COG5: variants seen among roughly 807,000 people sequenced by gnomAD.
The protein encoded by COG5 is component of oligomeric golgi complex 5.
A neutral mutation model predicts 110.4 loss-of-function variants in COG5; 86 were observed. The observed-to-expected ratio is 0.78, with a 90% CI of 0.65 to 0.93. COG5 has a LOEUF of 0.93. Ranked by LOEUF, COG5 falls within the 40% of genes least tolerant of loss-of-function variation. COG5 has a pLI of 0.00. For synonymous variants in COG5, 360 were observed against 334.6 expected, an observed-to-expected ratio of 1.08 and a Z score of -0.83; for missense variants, 1,077 against 987.0, an observed-to-expected ratio of 1.09 and a Z score of -1.22.
In COG5 at chr7:107,548,252, T is replaced by C. The variant is rs1191245071; in HGVS notation, c.347+26A>G. 2.5e-6 allele frequency: 4 copies of C among 1,604,572 alleles called. No homozygotes were observed. The East Asian group carries it at 8.9e-5, about 36-fold the overall frequency. On this transcript the variant is annotated intron_variant, in intron 4 of 21. Coordinates refer to ENST00000297135, the MANE Select transcript of COG5 (RefSeq NM_006348.5). ...AATGGATAAAAACATTCCCATTCCATTTATTTATAAAATTAAGAACAGTAC... is the reference window on the plus strand; with the variant it reads ...AATGGATAAAAACATTCCCATTCCACTTATTTATAAAATTAAGAACAGTAC...
intron 7 of COG5, among the ~76,000 whole-genome samples, chr7:107,409,857 G>C (rs915401758): frequency 1.3e-5 from 2 of 152,178 alleles, no homozygotes; most frequent in African/African-American, 2.4e-5. Flanking sequence ...ATGACAATGA[G>C]AGAGAAGAGA....
At chr7:107,315,864 G>C (rs1281886580) in intron 11 of COG5, among the ~76,000 whole-genome samples, 1 of 152,172 alleles carries the variant, frequency 6.6e-6, no homozygotes, top group Non-Finnish European at 1.5e-5. Flanking sequence ...TATGGTATTA[G>C]AAGTAGCAGG....
chr7:107,525,689 A>C (rs1410954387), intron 6 of COG5, among the ~76,000 whole-genome samples: 1 of 152,018 alleles, frequency 6.6e-6, no homozygotes, highest in Non-Finnish European at 1.5e-5. Flanking sequence ...AGTAGTTGAG[A>C]CTGCAGGCAC....
intron 11 of COG5, among the ~76,000 whole-genome samples, chr7:107,322,646 T>C (rs998722025): frequency 1.4e-4 from 21 of 152,152 alleles, no homozygotes; most frequent in African/African-American, 4.6e-4. Flanking sequence ...AAATGGTATA[T>C]CCATTTTGGA....
At chr7:107,356,523 G>C (rs1812636192) in intron 10 of COG5, among the ~76,000 whole-genome samples, 1 of 151,986 alleles carries the variant, frequency 6.6e-6, no homozygotes, top group Non-Finnish European at 1.5e-5. Flanking sequence ...AATACAGTGA[G>C]ACCCTGACTC....
chr7:107,328,499 C>T (rs1809959899), intron 10 of COG5, among the ~76,000 whole-genome samples: 1 of 152,106 alleles, frequency 6.6e-6, no homozygotes, highest in African/African-American at 2.4e-5. Flanking sequence ...AGATGTTACA[C>T]TAAGTGAAAC....
chr7:107,312,725 G>A (rs1004991281), intron 11 of COG5, among the ~76,000 whole-genome samples: 9 of 152,106 alleles, frequency 5.9e-5, no homozygotes, highest in Non-Finnish European at 1.0e-4. Flanking sequence ...AGTCATATTC[G>A]AATTGCATTT....
chr7:107,350,372 T>G (rs1812025802), intron 10 of COG5, among the ~76,000 whole-genome samples: 1 of 152,206 alleles, frequency 6.6e-6, no homozygotes. Context: ...ACTTGATTTT[T>G]ATTTCTAAAC....
chr7:107,549,504 G>C (rs983300791), intron 3 of COG5, among the ~76,000 whole-genome samples: 1 of 151,564 alleles, frequency 6.6e-6, no homozygotes, highest in Non-Finnish European at 1.5e-5. Context: ...CCATTCTCCA[G>C]CCTCAGCCTC....
At chr7:107,496,261 C>A (rs1026120138) in intron 6 of COG5, among the ~76,000 whole-genome samples, 26 of 152,246 alleles carry the variant, frequency 1.7e-4, no homozygotes, top group African/African-American at 6.3e-4. Context: ...AAAAAATCCT[C>A]AACAATATAC....
chr7:107,211,581 C>A (rs1037838293), intron 19 of COG5, among the ~76,000 whole-genome samples: 1 of 152,210 alleles, frequency 6.6e-6, no homozygotes, highest in Non-Finnish European at 1.5e-5. Context: ...TTAACAGATT[C>A]TTATCTTCAT....
At chr7:107,340,822 A>G (rs751484858) in intron 10 of COG5, among the ~76,000 whole-genome samples, 1 of 152,184 alleles carries the variant, frequency 6.6e-6, no homozygotes, top group Non-Finnish European at 1.5e-5. Flanking sequence ...GCTTTCAATG[A>G]AATCTAATAT....
At chr7:107,305,018 A>T (rs1415207502) in intron 11 of COG5, among the ~76,000 whole-genome samples, 3 of 152,348 alleles carry the variant, frequency 2.0e-5, no homozygotes, top group African/African-American at 7.2e-5. Flanking sequence ...TAATGTCAGG[A>T]AGTGCTAAAT....
At chr7:107,404,599 G>C (rs1791671193) in intron 7 of COG5, among the ~76,000 whole-genome samples, 2 of 152,100 alleles carry the variant, frequency 1.3e-5, no homozygotes, top group Non-Finnish European at 2.9e-5. Flanking sequence ...ACGACTAATA[G>C]AAAGCTTGTG....
intron 21 of COG5, among the ~76,000 whole-genome samples, chr7:107,205,306 G>A (rs77948715): frequency 2.6e-5 from 4 of 152,084 alleles, no homozygotes; most frequent in South Asian, 4.2e-4. Flanking sequence ...TCAGTGCCTA[G>A]ACTCAACCCA....
At chr7:107,422,736 C>G (rs919154532) in intron 6 of COG5, among the ~76,000 whole-genome samples, 2 of 144,942 alleles carry the variant, frequency 1.4e-5, no homozygotes, top group African/African-American at 2.6e-5. Context: ...GTTTATGTGT[C>G]TGTGTGTGGA....
chr7:107,362,422 TG>T lies in COG5; in HGVS notation c.836-3del. ...GCATGGTAGATCGTCCAGGTCCCCC[TG>T]GTTATGAGTGAGAAAGAACAATGAA... On this transcript the variant is annotated splice_region_variant and splice_polypyrimidine_tract_variant and intron_variant, in intron 8 of 21. Transcript: ENST00000297135. 6.3e-7 allele frequency: 1 copy of T among 1,592,438 alleles called. No individual in the cohort carries two copies. The highest frequency in any genetic ancestry group is 8.6e-7 in the Non-Finnish European group (1 of 1,160,370).
intron 5 of COG5, among the ~76,000 whole-genome samples, chr7:107,533,863 A>G (rs1299161253): frequency 2.0e-5 from 3 of 151,556 alleles, no homozygotes; most frequent in Non-Finnish European, 4.4e-5. Context: ...ACAGATAATC[A>G]TCAGATTCAC....
At chr7:107,379,598 CAAA>C (rs200972977) in intron 7 of COG5, among the ~76,000 whole-genome samples, 11 of 73,100 alleles carry the variant, frequency 1.5e-4, no homozygotes, top group Admixed American at 4.1e-4. Context: ...AAATGGAAAG[CAAA>C]AAAAAAAAAA....
Sources: gnomAD v4.1 joint callset for allele counts (sites outside exome capture counted in the v4.1 genomes callset) on GRCh38, gnomAD v4.1.1 for gene constraint, MANE v1.5 for transcripts, NCBI Gene and HGNC (gene_info 2026-07-23, HGNC 2026-07-21) for gene names.